Variants in NRCAM observed in about 807,000 individuals in gnomAD.
NRCAM encodes the protein NgCAM-related cell adhesion molecule.
NRCAM carries 83 observed loss-of-function variants against 156.5 expected under a neutral mutation model. The ratio of observed to expected loss-of-function variants is 0.53; its 90% CI spans 0.44 to 0.64. The LOEUF is 0.64. Among genes scored for constraint, NRCAM ranks in the 30% least tolerant of loss-of-function variants. The pLI is 0.00. For synonymous variants in NRCAM, 538 were observed against 563.9 expected (o/e 0.95, Z 0.65); for missense variants, 1,417 against 1,597.3 (o/e 0.89, Z 1.92).
intron 2 of NRCAM, among the ~76,000 whole-genome samples, chr7:108,395,061 T>C (rs552705602): frequency 6.6e-6 from 1 of 152,164 alleles, no homozygotes; most frequent in Non-Finnish European, 1.5e-5. Flanking sequence ...GCAAGAATGG[T>C]TTTATTAGGG....
At chr7:108,194,194 T>C in intron 16 of NRCAM, 23 bp from the exon 17 acceptor site, 2 of 1,612,682 alleles carry the variant, frequency 1.2e-6, no homozygotes, top group Non-Finnish European at 1.7e-6. Flanking sequence ...GTCATCGTTA[T>C]CCATTTGGCA....
intron 8 of NRCAM, 26 bp from the exon 9 acceptor site, chr7:108,226,404 G>C: frequency 6.3e-7 from 1 of 1,581,214 alleles, no homozygotes; most frequent in Non-Finnish European, 8.7e-7. Context: ...GAGATATCAA[G>C]ATTATTCCAT....
At chr7:108,245,683 T>C (rs552814882) in intron 3 of NRCAM, among the ~76,000 whole-genome samples, 1 of 152,284 alleles carries the variant, frequency 6.6e-6, no homozygotes, top group African/African-American at 2.4e-5. Context: ...AGTTCAGGCA[T>C]AAAGAAACAT....
intron 1 of NRCAM, among the ~76,000 whole-genome samples, chr7:108,405,978 A>G (rs1170458179): frequency 6.6e-6 from 1 of 151,524 alleles, no homozygotes; most frequent in Non-Finnish European, 1.5e-5. Flanking sequence ...TTTAATTTAA[A>G]AAGAGATACT....
chr7:108,347,296 A>G (rs1010711878), intron 2 of NRCAM, among the ~76,000 whole-genome samples: 1 of 152,138 alleles, frequency 6.6e-6, no homozygotes, highest in African/African-American at 2.4e-5. Flanking sequence ...TCGGCCTCCC[A>G]AAGTGCTGGG....
rs373849363 is a variant in NRCAM at position 108,404,457 on chromosome 7, G to A, written c.-331-4864C>T. ...AATCTCATTTAATACTGAAAACGTC[G>A]TTTTTCTAGCATTTTACAGATTTAA... On this transcript the variant is annotated intron_variant, in intron 1 of 32. Transcript: ENST00000379028. Among the ~76,000 whole-genome samples the A allele has an allele frequency of 1.2e-4, 19 of 152,176 alleles. No homozygotes were observed. The East Asian group carries it at 2.7e-3, about 22-fold the overall frequency.
intron 4 of NRCAM, 113 bp from the exon 5 acceptor site, chr7:108,237,882 G>T: frequency 1.4e-6 from 1 of 731,606 alleles, no homozygotes; most frequent in Non-Finnish European, 2.1e-6. Flanking sequence ...TTGTCTATTT[G>T]ATTTGATCTA....
intron 2 of NRCAM, among the ~76,000 whole-genome samples, chr7:108,336,730 C>G (rs1277402442): frequency 1.3e-5 from 2 of 152,134 alleles, no homozygotes; most frequent in East Asian, 3.8e-4. Context: ...TTGTAAAATT[C>G]ATGTAAACAA....
At chr7:108,348,431 T>C (rs1287455945) in intron 2 of NRCAM, among the ~76,000 whole-genome samples, 2 of 152,202 alleles carry the variant, frequency 1.3e-5, no homozygotes, top group East Asian at 1.9e-4. Context: ...TTGGCTGTTA[T>C]CCTTGGGCAG....
chr7:108,331,104 C>G (rs2099121803), intron 2 of NRCAM, among the ~76,000 whole-genome samples: 1 of 152,032 alleles, frequency 6.6e-6, no homozygotes, highest in Non-Finnish European at 1.5e-5. Context: ...AAATTCTGAT[C>G]AAAGTAGATG....
At chr7:108,305,374 C>G (rs985815629) in intron 3 of NRCAM, among the ~76,000 whole-genome samples, 2 of 152,094 alleles carry the variant, frequency 1.3e-5, no homozygotes, top group Admixed American at 6.6e-5. Context: ...AAATATGGTA[C>G]TTTTGTCTAG....
intron 13 of NRCAM, among the ~76,000 whole-genome samples, chr7:108,200,772 ACACACACACACACT>A (rs1190311856): frequency 6.6e-6 from 1 of 150,590 alleles, no homozygotes; most frequent in African/African-American, 2.5e-5. Context: ...ACACACACAC[ACACACACACACACT>A]ATGAAATACT....
chr7:108,373,435 C>T (rs1402711231), intron 2 of NRCAM, among the ~76,000 whole-genome samples: 1 of 152,132 alleles, frequency 6.6e-6, no homozygotes, highest in Non-Finnish European at 1.5e-5. Flanking sequence ...AAATGAATCT[C>T]CTCTGAGATG....
chr7:108,337,146 C>T (rs1159038212), intron 2 of NRCAM, among the ~76,000 whole-genome samples: 1 of 151,908 alleles, frequency 6.6e-6, no homozygotes, highest in Non-Finnish European at 1.5e-5. Flanking sequence ...ACCTGTAATC[C>T]CAGCTACTCA....
At chr7:108,438,840 G>A (rs555641329) in intron 1 of NRCAM, among the ~76,000 whole-genome samples, 1 of 151,930 alleles carries the variant, frequency 6.6e-6, no homozygotes, top group South Asian at 2.1e-4. Flanking sequence ...ACTAACAAAC[G>A]ATCTAAAATG....
chr7:108,375,343 T>TAACGCC (rs1563503626), intron 2 of NRCAM, among the ~76,000 whole-genome samples: 1 of 151,786 alleles, frequency 6.6e-6, no homozygotes, highest in Non-Finnish European at 1.5e-5. Flanking sequence ...TAATGATTTT[T>TAACGCC]AAAGCCCTTC....
chr7:108,343,213 C>G (rs1235773264), intron 2 of NRCAM, among the ~76,000 whole-genome samples: 1 of 152,118 alleles, frequency 6.6e-6, no homozygotes, highest in Non-Finnish European at 1.5e-5. Context: ...ACTAATAGCC[C>G]TCATTCAGGC....
chr7:108,362,323 C>T (rs180745582), intron 2 of NRCAM, among the ~76,000 whole-genome samples: 3 of 152,230 alleles, frequency 2.0e-5, no homozygotes, highest in South Asian at 2.1e-4. Flanking sequence ...TAATCAGCTC[C>T]CAAAGGCCCC....
At chr7:108,416,586 TA>T (rs55710629) in intron 1 of NRCAM, among the ~76,000 whole-genome samples, 143,080 of 151,514 alleles carry the variant, frequency 0.94, 67,598 homozygotes, top group East Asian at 1. Flanking sequence ...GACAAATAAT[TA>T]AAAAAAAAAA....
Sources: allele counts gnomAD v4.1 joint callset (sites outside exome capture counted in the v4.1 genomes callset), GRCh38; gene constraint gnomAD v4.1.1; transcripts MANE v1.5; gene names NCBI Gene and HGNC (gene_info 2026-07-23, HGNC 2026-07-21).